The following DDX17 variants were observed in gnomAD, a reference collection of about 807,000 sequenced individuals.
DDX17 encodes probable ATP-dependent RNA helicase DDX17.
Under a neutral mutation model 80.8 loss-of-function variants are expected in DDX17, and 10 were observed. The ratio of observed to expected loss-of-function variants is 0.12; its 90% CI spans 0.08 to 0.21. The LOEUF is 0.21. Ranked by LOEUF, DDX17 falls within the 10% of genes least tolerant of loss-of-function variation. DDX17 has a pLI of 1.00. For missense variants in DDX17, 586 were observed against 957.4 expected (o/e 0.61, Z 5.12); for synonymous variants, 339 against 336.2 (o/e 1.01, Z -0.09).
intron 10 of DDX17, 136 bp downstream of exon 10, chr22:38,493,574 A>C (rs2089733422): frequency 1.5e-6 from 1 of 680,354 alleles, no homozygotes; most frequent in Non-Finnish European, 2.6e-6. Flanking sequence ...AGAGACCACC[A>C]TTTGGTTTAC....
At chr22:38,494,181 G>A in intron 8 of DDX17, 50 bp from the exon 9 acceptor site, 1 of 1,265,378 alleles carries the variant, frequency 7.9e-7, no homozygotes, top group Non-Finnish European at 1.1e-6. Flanking sequence ...TTATTATGTG[G>A]ACGATTATGT....
At chr22:38,487,654 A>G (rs2089673625) in intron 12 of DDX17, among the ~76,000 whole-genome samples, 1 of 152,184 alleles carries the variant, frequency 6.6e-6, no homozygotes, top group Non-Finnish European at 1.5e-5. Flanking sequence ...ACCTCAGACC[A>G]GTCTCTAAGA....
rs1308983256 is a variant in DDX17, at chr22:38,506,142, C to T, written c.96G>A (p.Ala32=). 6.3e-7 allele frequency: 1 copy of T among 1,582,210 alleles called. No individual in the cohort carries two copies. The highest frequency in any genetic ancestry group is 8.6e-7 in the Non-Finnish European group (1 of 1,165,578). ...CAGGCGCAGCGCTCTCTCGCTCCGACGCGCTGTCTCCCGTCGCAGACGCCA... is the reference window on the plus strand; with the variant it reads ...CAGGCGCAGCGCTCTCTCGCTCCGATGCGCTGTCTCCCGTCGCAGACGCCA... The change falls in exon 1 of 13, where the codon GCG becomes GCA. Residue 32 remains alanine, a synonymous_variant. Coordinates refer to ENST00000403230, the MANE Select transcript of DDX17 (RefSeq NM_006386.5).
intron 11 of DDX17, chr22:38,490,158 A>G (rs2089699017): frequency 1.6e-5 from 18 of 1,156,712 alleles, no homozygotes; most frequent in Non-Finnish European, 1.9e-5. Context: ...GGTTTTCTCC[A>G]GTCAAGTCTA....
Position 38,484,320 on chromosome 22 carries a change from T to G in DDX17, c.*1615A>C, listed in dbSNP as rs1468170084. 1 of 152,432 alleles carries G rather than the reference T, an allele frequency of 6.6e-6. No homozygotes were observed. Among genetic ancestry groups the G allele is most frequent in the Non-Finnish European group, 1.5e-5 (1 of 68,038 alleles). 9.4% of individuals were successfully genotyped at this position (152,432 alleles called of 1,614,324 possible). A position where few individuals can be genotyped will look rare whatever the true frequency, so the allele number is the denominator to read the frequency against. On this transcript the variant is annotated 3_prime_UTR_variant, in exon 13 of 13. Transcript: ENST00000403230. ...AAAAAAAGATGTCAAAGTTTTTACA[T>G]GCATATATTTCAGCTTATGCTGAAG... is the stretch of plus-strand genomic sequence containing the variant.
chr22:38,495,979 TAAAAAAAAAAAAAA>T, intron 5 of DDX17, 42 bp from the exon 6 acceptor site: 1 of 803,316 alleles, frequency 1.2e-6, no homozygotes, highest in South Asian at 4.3e-5. Flanking sequence ...ATCCAAGGTT[TAAAAAAAAAAAAAA>T]AAAAAAGAAG....
At chr22:38,490,612 C>T (rs986694116) in intron 11 of DDX17, 1 of 450,328 alleles carries the variant, frequency 2.2e-6, no homozygotes, top group Non-Finnish European at 3.6e-6. Flanking sequence ...TTTAAGAGAC[C>T]ATCGCTTGAC....
Position 38,485,808 on chromosome 22 carries a change from G to T in DDX17, c.*127C>A. 3.2e-6 allele frequency: 4 copies of T among 1,251,864 alleles called. No individual in the cohort carries two copies. The highest frequency in any genetic ancestry group is 4.1e-6 in the Non-Finnish European group (4 of 981,052). 77.5% of individuals were successfully genotyped at this position (1,251,864 alleles called of 1,614,324 possible). A position where few individuals can be genotyped will look rare whatever the true frequency, so the allele number is the denominator to read the frequency against. ...GAAAAGACAAATCACGATGGTTGGGGGGAAAAATTAAAAAAAAAAAAAGAA... is the reference window on the plus strand; with the variant it reads ...GAAAAGACAAATCACGATGGTTGGGTGGAAAAATTAAAAAAAAAAAAAGAA... On this transcript the variant is annotated 3_prime_UTR_variant, in exon 13 of 13. Coordinates refer to ENST00000403230, the MANE Select transcript of DDX17 (RefSeq NM_006386.5).
intron 9 of DDX17, 34 bp from the exon 10 acceptor site, chr22:38,493,805 T>C (rs368184656): frequency 3.5e-5 from 56 of 1,592,988 alleles, no homozygotes; most frequent in Admixed American, 1.9e-4. Context: ...ATTTTAAAAA[T>C]CTTTTAAAGT....
At position 38,489,123 on chromosome 22, in the gene DDX17, GA is replaced by G. The variant is rs1420857386; in HGVS notation, c.1448-1009del. 1 of 984,288 alleles carries G rather than the reference GA, an allele frequency of 1.0e-6. No individual in the cohort carries two copies. 61.0% of individuals were successfully genotyped at this position (984,288 alleles called of 1,614,324 possible). A position where few individuals can be genotyped will look rare whatever the true frequency, so the allele number is the denominator to read the frequency against. ...TAACAAAGAATCCTACTGTTTTGTG[GA>G]AAAAAATCTGCATTTTACAAAGAAT... On this transcript the variant is annotated intron_variant, in intron 11 of 12. Coordinates refer to ENST00000403230, the MANE Select transcript of DDX17 (RefSeq NM_006386.5). This position sits in a 1 kb window ranked among gnomAD's most constrained non-coding sequence, Gnocchi z 4.6.
At chr22:38,488,393 C>T in intron 11 of DDX17, 1 of 1,312,788 alleles carries the variant, frequency 7.6e-7, no homozygotes, top group South Asian at 1.6e-5. Flanking sequence ...GCCTCTGCTA[C>T]ATTTTACCAA....
At position 38,489,672 on chromosome 22, in the gene DDX17, A is replaced by T; in HGVS notation, c.1448-1557T>A. The T allele has an allele frequency of 1.0e-6, 1 of 985,280 alleles. No individual in the cohort carries two copies. The highest frequency in any genetic ancestry group is 1.2e-6 in the Non-Finnish European group (1 of 829,920). 61.0% of individuals were successfully genotyped at this position (985,280 alleles called of 1,614,324 possible). On this transcript the variant is annotated intron_variant, in intron 11 of 12. Coordinates refer to ENST00000403230, the MANE Select transcript of DDX17 (RefSeq NM_006386.5). This position sits in a 1 kb window ranked among gnomAD's most constrained non-coding sequence, Gnocchi z 4.6. ...ACAGGGCTTGTGAAGAAGGGGCATT[A>T]TGTCTGTTTCTTATTACAATAAAGG...
At position 38,486,149 on chromosome 22, in the gene DDX17, G is replaced by C; in HGVS notation, c.1976C>G (p.Thr659Ser). The C allele has an allele frequency of 1.2e-6, 2 of 1,614,210 alleles. No individual in the cohort carries two copies. The highest frequency in any genetic ancestry group is 2.2e-5 in the South Asian group (2 of 91,086). The change falls in exon 13 of 13, where the codon ACT becomes AGT. Residue 659 changes from threonine to serine, a missense_variant. By Grantham distance (58) the Thr-to-Ser change is moderately conservative (BLOSUM62 1). This residue lies in a region of DDX17 where 221 missense variants were observed against 261.4 expected (regional missense o/e 0.85). Coordinates refer to ENST00000403230, the MANE Select transcript of DDX17 (RefSeq NM_006386.5). ...TGAGGTGGTGCTACTAGCTCCATAA[G>C]TGCCAGCACCATATTCTTGAGCTGT...
rs1258416409 is a variant in DDX17 at position 38,498,642 on chromosome 22, C to T, written c.539-69G>A. On this transcript the variant is annotated intron_variant, in intron 3 of 12. Transcript: ENST00000403230. ...CACAAACCAAGAGTTTTTAAAAAAA[C>T]TTTTAAGCTCACTGAAGATAAGATT... The T allele has an allele frequency of 5.2e-6, 8 of 1,541,198 alleles. No individual in the cohort carries two copies. The Admixed American group carries it at 5.2e-5, about 10-fold the overall frequency.
chr22:38,488,438 A>G, intron 11 of DDX17: 2 of 1,210,702 alleles, frequency 1.7e-6, no homozygotes, highest in Non-Finnish European at 2.1e-6. Flanking sequence ...ATTGGTCTTC[A>G]GACGCAAATT....
rs759350843 is a variant in DDX17 at position 38,488,122 on chromosome 22, C to G, written c.1448-7G>C. On this transcript the variant is annotated splice_region_variant and splice_polypyrimidine_tract_variant and intron_variant, in intron 11 of 12. Coordinates refer to ENST00000403230, the MANE Select transcript of DDX17 (RefSeq NM_006386.5). ...AACTTGACATCTTCCACATCTTCCA[C>G]GTCAATGATGAGTCAGTGTGTAGGT... The G allele has an allele frequency of 1.2e-6, 2 of 1,614,028 alleles. No individual in the cohort carries two copies. The highest frequency in any genetic ancestry group is 2.2e-5 in the South Asian group (2 of 91,086).
In DDX17 at chr22:38,495,130, G is replaced by A. The variant is rs61177156; in HGVS notation, c.881-84C>T. On this transcript the variant is annotated intron_variant, in intron 6 of 12. Coordinates refer to ENST00000403230, the MANE Select transcript of DDX17 (RefSeq NM_006386.5). ...TTCTAGCACTTTGGGAAGAGGAGGC[G>A]GGAAGATCGCTTGAGGCCAGTTCAC... 1,843 of 1,399,242 alleles carry A rather than the reference G, an allele frequency of 1.3e-3. 11 individuals carry two copies. In the African/African-American group the frequency reaches 0.021, roughly 16 times the overall value. The allele number at this position is 1,399,242 out of a possible 1,614,324, so 86.7% of individuals were successfully genotyped here.
At chr22:38,495,129 C>T in intron 6 of DDX17, 83 bp from the exon 7 acceptor site, 6 of 1,399,678 alleles carry the variant, frequency 4.3e-6, no homozygotes, top group South Asian at 2.8e-5. Context: ...GAAGAGGAGG[C>T]GGGAAGATCG....
Position 38,500,175 on chromosome 22 carries a change from CA to C in DDX17, c.439-677del, listed in dbSNP as rs138451. ...TAGGGGACAGAGTGAGACTTCACCT[CA>C]AAAAAAAAAAAAGCCAATCTATCTT... On this transcript the variant is annotated intron_variant, in intron 2 of 12. Coordinates refer to ENST00000403230, the MANE Select transcript of DDX17 (RefSeq NM_006386.5). 6.8e-5 allele frequency among the ~76,000 whole-genome samples: 9 copies of C among 132,136 alleles called. No individual in the cohort carries two copies. In the South Asian group the frequency reaches 7.2e-4, roughly 11 times the overall value. The allele number at this position is 132,136 out of a possible 152,430, so 86.7% of individuals were successfully genotyped here. A position where few individuals can be genotyped will look rare whatever the true frequency, so the allele number is the denominator to read the frequency against.
Sources: allele counts gnomAD v4.1 joint callset (sites outside exome capture counted in the v4.1 genomes callset), GRCh38; gene constraint gnomAD v4.1.1; regional missense constraint gnomAD v4.1.1; non-coding constraint Gnocchi (gnomAD v3.1); transcripts MANE v1.5; gene names NCBI Gene and HGNC (gene_info 2026-07-23, HGNC 2026-07-21).